ADGRL3: variants seen among roughly 807,000 people sequenced by gnomAD.
The protein encoded by ADGRL3 is adhesion G protein-coupled receptor L3, also known as calcium-independent alpha-latrotoxin receptor 3.
A neutral mutation model predicts 153.5 loss-of-function variants in ADGRL3; 62 were observed. The ratio of observed to expected loss-of-function variants is 0.40; its 90% CI spans 0.33 to 0.50. The LOEUF (loss-of-function observed/expected upper bound fraction) is 0.50, where lower values mean the gene tolerates loss of function less well. Among genes scored for constraint, ADGRL3 ranks in the 20% least tolerant of loss-of-function variants. The probability of loss-of-function intolerance (pLI) is 0.47; values close to 1 mark genes in which losing one functional copy is unlikely to be tolerated. For missense variants in ADGRL3, 1,641 were observed against 1,859.4 expected (o/e 0.88, Z 2.16); for synonymous variants, 710 against 672.5 (o/e 1.06, Z -0.86).
chr4:61,951,216 A>T (rs1264931313), intron 17 of ADGRL3, among the ~76,000 whole-genome samples: 1 of 152,180 alleles, frequency 6.6e-6, no homozygotes, highest in Non-Finnish European at 1.5e-5. Context: ...GAAAAATGAA[A>T]TATAACCTGA....
chr4:62,003,695 C>T (rs184046589), intron 21 of ADGRL3, among the ~76,000 whole-genome samples: 2 of 152,220 alleles, frequency 1.3e-5, no homozygotes, highest in Admixed American at 1.3e-4. Context: ...TGAAGCTTTG[C>T]TCAGCCTCTA....
intron 9 of ADGRL3, among the ~76,000 whole-genome samples, chr4:61,856,704 C>G (rs2098271865): frequency 6.8e-6 from 1 of 146,920 alleles, no homozygotes; most frequent in African/African-American, 2.5e-5. Flanking sequence ...GCAACCTCCA[C>G]CTCCAGGGTT....
chr4:61,450,047 G>A (rs1166376896), intron 2 of ADGRL3, among the ~76,000 whole-genome samples: 2 of 152,232 alleles, frequency 1.3e-5, no homozygotes, highest in African/African-American at 2.4e-5. Flanking sequence ...TTGAAGCCAC[G>A]TTAGAATAGT....
At chr4:61,898,963 T>C (rs543027180) in intron 11 of ADGRL3, among the ~76,000 whole-genome samples, 85 of 152,164 alleles carry the variant, frequency 5.6e-4, no homozygotes, top group African/African-American at 2.0e-3. Flanking sequence ...GCAGGCCACG[T>C]TGCCTGCTCC....
chr4:61,275,700 C>T (rs2093427903), intron 1 of ADGRL3, among the ~76,000 whole-genome samples: 2 of 152,096 alleles, frequency 1.3e-5, no homozygotes, highest in African/African-American at 4.8e-5. Context: ...CCCACTTGAC[C>T]CATTTATATA....
At chr4:61,371,725 C>T (rs946974313) in intron 1 of ADGRL3, among the ~76,000 whole-genome samples, 8 of 152,152 alleles carry the variant, frequency 5.3e-5, no homozygotes, top group Admixed American at 1.3e-4. Flanking sequence ...TTGCTCTTCT[C>T]GAGGAGTATC....
rs371931282 is a variant in ADGRL3 at position 61,912,767 on chromosome 4, G to A, written c.2112+10G>A. ...CAGAGCCTATGTCCAGGTACTTTCT[G>A]CGTTTTTATAAATGTGTTAAGTTGT... is the stretch of plus-strand genomic sequence containing the variant. On this transcript the variant is annotated intron_variant, in intron 13 of 26. Coordinates refer to ENST00000683033, the MANE Select transcript of ADGRL3 (RefSeq NM_001387552.1). The A allele has an allele frequency of 1.0e-4, 166 of 1,612,268 alleles. No individual in the cohort carries two copies. Among genetic ancestry groups the A allele is most frequent in the Non-Finnish European group, 1.3e-4 (153 of 1,178,922 alleles).
chr4:61,841,749 A>G (rs866365043), intron 9 of ADGRL3, among the ~76,000 whole-genome samples: 9 of 152,354 alleles, frequency 5.9e-5, no homozygotes, highest in African/African-American at 2.2e-4. Context: ...CTGAATGCCC[A>G]TAAGAATACT....
chr4:61,595,044 T>C (rs569933010), intron 5 of ADGRL3, among the ~76,000 whole-genome samples: 6 of 152,186 alleles, frequency 3.9e-5, no homozygotes, highest in Non-Finnish European at 7.4e-5. Flanking sequence ...TTGCCAGGCC[T>C]GGAACTCACC....
intron 1 of ADGRL3, among the ~76,000 whole-genome samples, chr4:61,349,713 T>A (rs1162075955): frequency 4.6e-5 from 7 of 152,132 alleles, no homozygotes; most frequent in Non-Finnish European, 7.4e-5. Context: ...TACCTTTACA[T>A]AAAGTAAGCA....
At chr4:61,660,729 T>C (rs991743484) in intron 5 of ADGRL3, among the ~76,000 whole-genome samples, 8 of 152,116 alleles carry the variant, frequency 5.3e-5, no homozygotes, top group Non-Finnish European at 8.8e-5. Context: ...GGAAGAAAAG[T>C]GATTTTTACA....
intron 5 of ADGRL3, among the ~76,000 whole-genome samples, chr4:61,670,530 T>C (rs1462554751): frequency 6.6e-6 from 1 of 152,068 alleles, no homozygotes; most frequent in Non-Finnish European, 1.5e-5. Flanking sequence ...GCAGTCTTCT[T>C]ACACCTTAGT....
intron 1 of ADGRL3, among the ~76,000 whole-genome samples, chr4:61,216,684 G>A (rs6833110): frequency 0.6 from 91,564 of 152,012 alleles, 28,128 homozygotes; most frequent in Middle Eastern, 0.68. Context: ...AAATATATAT[G>A]CATGAATGAA....
At chr4:61,981,757 A>G (rs1282673806) in intron 18 of ADGRL3, among the ~76,000 whole-genome samples, 1 of 152,190 alleles carries the variant, frequency 6.6e-6, no homozygotes, top group Non-Finnish European at 1.5e-5. Flanking sequence ...AAGGCTTTTG[A>G]GCATAATAAA....
intron 4 of ADGRL3, among the ~76,000 whole-genome samples, chr4:61,549,618 G>GT (rs35569082): frequency 2.6e-4 from 40 of 150,958 alleles, no homozygotes; most frequent in Non-Finnish European, 4.3e-4. Context: ...TATTTTTTAT[G>GT]TTTTTTTTCT....
rs1720374304 is a variant in ADGRL3 at position 62,028,845 on chromosome 4, C to T, written c.3396-10C>T. On this transcript the variant is annotated splice_polypyrimidine_tract_variant and intron_variant, in intron 21 of 26. Coordinates refer to ENST00000683033, the MANE Select transcript of ADGRL3 (RefSeq NM_001387552.1). ...TGGTGTTCTTGTCTTTATGTCTATG[C>T]ATTCTTTAGCTATGAGGATAACAGA... is the stretch of plus-strand genomic sequence containing the variant. The T allele has an allele frequency of 6.2e-7, 1 of 1,600,838 alleles. No homozygotes were observed. Among genetic ancestry groups the T allele is most frequent in the Non-Finnish European group, 8.5e-7 (1 of 1,172,420 alleles).
At chr4:61,373,965 CA>C (rs2096572384) in intron 1 of ADGRL3, among the ~76,000 whole-genome samples, 1 of 152,122 alleles carries the variant, frequency 6.6e-6, no homozygotes, top group African/African-American at 2.4e-5. Flanking sequence ...GTAATGTCCT[CA>C]AAAGGCAGAG....
intron 21 of ADGRL3, among the ~76,000 whole-genome samples, chr4:62,014,073 T>C (rs1199775744): frequency 6.6e-6 from 1 of 151,846 alleles, no homozygotes; most frequent in Non-Finnish European, 1.5e-5. Flanking sequence ...GATAATGTAG[T>C]GAAAAGATGG....
chr4:61,615,576 TTG>T lies in ADGRL3; in HGVS notation c.473+28158_473+28159del, dbSNP rs138168643. Among the ~76,000 whole-genome samples the T allele has an allele frequency of 3.9e-3, 583 of 147,996 alleles. 4 individuals carry two copies. The highest frequency in any genetic ancestry group is 0.011 in the East Asian group (53 of 4,974). ...AGAATTTTATACGTCGGTTGGAATA[TTG>T]TGTGTGTGTGTGTGTGTGTGTATGT... On this transcript the variant is annotated intron_variant, in intron 5 of 26. Transcript: ENST00000683033.
Sources: gnomAD v4.1 joint callset for allele counts (sites outside exome capture counted in the v4.1 genomes callset) on GRCh38, gnomAD v4.1.1 for gene constraint, MANE v1.5 for transcripts, NCBI Gene and HGNC (gene_info 2026-07-23, HGNC 2026-07-21) for gene names.